Variants in CNTLN observed in about 807,000 individuals in gnomAD.
CNTLN encodes the protein centlein, centrosomal protein.
Under a neutral mutation model 180.0 loss-of-function variants are expected in CNTLN, and 212 were observed. The observed-to-expected ratio is 1.18, with a 90% CI of 1.05 to 1.32. The LOEUF (loss-of-function observed/expected upper bound fraction) is 1.32. CNTLN is among the 40% of genes most tolerant of loss of function. CNTLN has a pLI of 0.00. For missense variants in CNTLN, 2,095 were observed against 1,610.9 expected, an observed-to-expected ratio of 1.30 and a Z score of -5.14; for synonymous variants, 722 against 563.1, an observed-to-expected ratio of 1.28 and a Z score of -3.99.
At chr9:17,141,662 G>A (rs528800280) in intron 1 of CNTLN, among the ~76,000 whole-genome samples, 1 of 152,226 alleles carries the variant, frequency 6.6e-6, no homozygotes, top group Non-Finnish European at 1.5e-5. Context: ...AGCTGGGCAA[G>A]AGACGGAATT....
At chr9:17,360,699 A>C (rs1470719957) in intron 12 of CNTLN, among the ~76,000 whole-genome samples, 1 of 152,162 alleles carries the variant, frequency 6.6e-6, no homozygotes, top group Non-Finnish European at 1.5e-5. Context: ...TAGGTTCTTT[A>C]GTTTCAACTA....
At chr9:17,501,029 T>C (rs113701908) in intron 25 of CNTLN, among the ~76,000 whole-genome samples, 2 of 152,326 alleles carry the variant, frequency 1.3e-5, no homozygotes, top group African/African-American at 4.8e-5. Context: ...CTCTAAGATA[T>C]GCTTTTCCCA....
At chr9:17,337,908 T>C (rs754178337) in intron 10 of CNTLN, among the ~76,000 whole-genome samples, 1 of 152,160 alleles carries the variant, frequency 6.6e-6, no homozygotes, top group Non-Finnish European at 1.5e-5. Flanking sequence ...CAAAAAACTT[T>C]AGTCATTCCC....
chr9:17,205,672 A>G (rs980924345), intron 2 of CNTLN, among the ~76,000 whole-genome samples: 5 of 152,234 alleles, frequency 3.3e-5, no homozygotes, highest in Admixed American at 3.3e-4. Flanking sequence ...ACTCTTGGTC[A>G]GTAGCAAATG....
intron 3 of CNTLN, among the ~76,000 whole-genome samples, chr9:17,234,263 T>G (rs1824997881): frequency 6.6e-6 from 1 of 152,002 alleles, no homozygotes. Flanking sequence ...GGTAACATAG[T>G]GAGACCTCAT....
intron 5 of CNTLN, among the ~76,000 whole-genome samples, chr9:17,267,215 C>G (rs540845343): frequency 1.3e-5 from 2 of 152,154 alleles, no homozygotes; most frequent in Admixed American, 1.3e-4. Context: ...CCTTCAGGAG[C>G]TCTTTTAGGG....
intron 5 of CNTLN, among the ~76,000 whole-genome samples, chr9:17,254,976 G>A (rs1281827649): frequency 6.6e-6 from 1 of 151,600 alleles, no homozygotes; most frequent in African/African-American, 2.4e-5. Flanking sequence ...AATGTTCATA[G>A]TGTTCAGTGT....
chr9:17,444,972 C>G (rs1188999759), intron 18 of CNTLN, among the ~76,000 whole-genome samples: 2 of 152,018 alleles, frequency 1.3e-5, no homozygotes, highest in African/African-American at 2.4e-5. Context: ...AATTTCTACT[C>G]TATGCTATGA....
At chr9:17,309,355 G>T in intron 8 of CNTLN, 103 bp downstream of exon 8, 1 of 934,474 alleles carries the variant, frequency 1.1e-6, no homozygotes, top group Non-Finnish European at 1.5e-6. Flanking sequence ...GCATTTATTG[G>T]AGTATAAGAA....
Position 17,242,938 on chromosome 9 carries a change from A to ATTT in CNTLN, c.849+6350_849+6351insTTT, listed in dbSNP as rs1825585437. On this transcript the variant is annotated intron_variant, in intron 5 of 25. Transcript: ENST00000380647. Reference sequence around the variant, plus strand: ...GGATTGGTGTTAGCTCTTATTTAAAAGTTTGGTAGAAATCAGCGGTGAAGC... The same window carrying ATTT: ...GGATTGGTGTTAGCTCTTATTTAAAATTTGTTTGGTAGAAATCAGCGGTGAAGC... Among the ~76,000 whole-genome samples the ATTT allele has an allele frequency of 3.3e-5, 5 of 152,244 alleles. No homozygotes were observed. The South Asian group carries it at 1.0e-3, about 32-fold the overall frequency.
chr9:17,390,206 G>GCATTGTA (rs1825992728), intron 14 of CNTLN, among the ~76,000 whole-genome samples: 1 of 144,470 alleles, frequency 6.9e-6, no homozygotes, highest in Non-Finnish European at 1.5e-5. Flanking sequence ...ATAATATCAG[G>GCATTGTA]CATTGTATTT....
chr9:17,363,497 C>G (rs546224946), intron 12 of CNTLN, among the ~76,000 whole-genome samples: 1 of 150,524 alleles, frequency 6.6e-6, no homozygotes, highest in Non-Finnish European at 1.5e-5. Flanking sequence ...TGATTTGATA[C>G]AGTTTTTTTT....
At chr9:17,404,401 A>G (rs1011493262) in intron 15 of CNTLN, among the ~76,000 whole-genome samples, 1 of 151,696 alleles carries the variant, frequency 6.6e-6, no homozygotes, top group Non-Finnish European at 1.5e-5. Flanking sequence ...AGGGGATTTG[A>G]GAGTCCTGAT....
intron 25 of CNTLN, among the ~76,000 whole-genome samples, chr9:17,497,845 G>GA (rs1279027657): frequency 6.6e-6 from 1 of 152,172 alleles, no homozygotes; most frequent in Non-Finnish European, 1.5e-5. Flanking sequence ...CAAGATAACA[G>GA]AGTGGATGCT....
chr9:17,150,851 G>T (rs183968826), intron 2 of CNTLN, among the ~76,000 whole-genome samples: 488 of 152,244 alleles, frequency 3.2e-3, no homozygotes, highest in Non-Finnish European at 4.6e-3. Flanking sequence ...AGTTCTCCTT[G>T]AACAGGTCCT....
At chr9:17,388,085 A>G (rs1825822366) in intron 13 of CNTLN, 77 bp from the exon 14 acceptor site, 2 of 886,154 alleles carry the variant, frequency 2.3e-6, no homozygotes, top group African/African-American at 1.7e-5. Flanking sequence ...AAACCATAGA[A>G]CCCTTTTTCT....
At chr9:17,521,389 G>C in the CNTLN span, among the ~76,000 whole-genome samples, 1 of 152,000 alleles carries the variant, frequency 6.6e-6, no homozygotes, top group Non-Finnish European at 1.5e-5. Flanking sequence ...CCTGTGATCA[G>C]GTTCTGTAAC....
At chr9:17,490,848 C>A (rs907781089) in intron 25 of CNTLN, among the ~76,000 whole-genome samples, 1 of 151,960 alleles carries the variant, frequency 6.6e-6, no homozygotes, top group Admixed American at 6.6e-5. Flanking sequence ...TTGTGCCCCC[C>A]ACCAATAGCA....
At chr9:17,517,825 A>T in the CNTLN span, among the ~76,000 whole-genome samples, 1 of 152,042 alleles carries the variant, frequency 6.6e-6, no homozygotes, top group South Asian at 2.1e-4. Context: ...CAGCCCTGGG[A>T]AAGTAATACA....
Sources: allele counts gnomAD v4.1 joint callset (sites outside exome capture counted in the v4.1 genomes callset), GRCh38; gene constraint gnomAD v4.1.1; transcripts MANE v1.5; gene names NCBI Gene and HGNC (gene_info 2026-07-23, HGNC 2026-07-21).